RAB3IL1: variants seen among roughly 807,000 people sequenced by gnomAD.
RAB3IL1 encodes the protein guanine nucleotide exchange factor for Rab-3A.
RAB3IL1 carries 37 observed loss-of-function variants against 49.2 expected under a neutral mutation model. The ratio of observed to expected loss-of-function variants is 0.75; its 90% CI spans 0.58 to 0.99. RAB3IL1 has a LOEUF of 0.99. Among genes scored for constraint, RAB3IL1 ranks in the 50% least tolerant of loss-of-function variants. RAB3IL1 has a pLI of 0.00. For missense variants in RAB3IL1, 484 were observed against 513.0 expected (o/e 0.94, Z 0.55); for synonymous variants, 193 against 213.9 (o/e 0.90, Z 0.85).
At chr11:61,939,202 GA>G in the RAB3IL1 span, among the ~76,000 whole-genome samples, 1 of 151,808 alleles carries the variant, frequency 6.6e-6, no homozygotes, top group Non-Finnish European at 1.5e-5. Flanking sequence ...AACCACAAAG[GA>G]ATGAAATTAG....
chr11:61,907,340 G>A (rs932800859), intron 4 of RAB3IL1, 53 bp downstream of exon 4: 43 of 1,582,574 alleles, frequency 2.7e-5, no homozygotes, highest in Admixed American at 1.4e-4. Context: ...TCGCTGAGCC[G>A]GGAGGCAGGG....
At chr11:61,929,284 C>T in the RAB3IL1 span, among the ~76,000 whole-genome samples, 1 of 152,076 alleles carries the variant, frequency 6.6e-6, no homozygotes, top group Non-Finnish European at 1.5e-5. Context: ...GCAGGTGGAT[C>T]GCTTGAGCCC....
the RAB3IL1 span, among the ~76,000 whole-genome samples, chr11:61,944,176 CTCCTTCCCT>C: frequency 7.0e-6 from 1 of 142,746 alleles, no homozygotes; most frequent in East Asian, 2.0e-4. Flanking sequence ...TCCTCCCTAC[CTCCTTCCCT>C]TCCTTCCCTT....
the RAB3IL1 span, among the ~76,000 whole-genome samples, chr11:61,932,620 A>G: frequency 2.0e-5 from 3 of 152,308 alleles, no homozygotes; most frequent in South Asian, 2.1e-4. Flanking sequence ...AGGGCTTACA[A>G]TGTAATAAAA....
chr11:61,898,364 C>A lies in RAB3IL1; in HGVS notation c.1067-4G>T. On this transcript the variant is annotated splice_polypyrimidine_tract_variant and splice_region_variant and intron_variant, in intron 9 of 9. Coordinates refer to ENST00000394836, the MANE Select transcript of RAB3IL1 (RefSeq NM_013401.4). This position sits in a 1 kb window ranked among gnomAD's most constrained non-coding sequence, Gnocchi z 5.1. Reference sequence around the variant, plus strand: ...ATCTCCCAGAACATGGGCTCTGCTGCAGGCAGAGAGAGGGTGAACAGGTCG... The same window carrying A: ...ATCTCCCAGAACATGGGCTCTGCTGAAGGCAGAGAGAGGGTGAACAGGTCG... The A allele has an allele frequency of 1.2e-6, 2 of 1,612,526 alleles. No homozygotes were observed. The highest frequency in any genetic ancestry group is 2.2e-5 in the South Asian group (2 of 91,076).
At chr11:61,939,111 C>T in the RAB3IL1 span, among the ~76,000 whole-genome samples, 2 of 151,306 alleles carry the variant, frequency 1.3e-5, no homozygotes, top group Non-Finnish European at 2.9e-5. Context: ...ATAAAACATT[C>T]CCCAGGATAG....
intron 1 of RAB3IL1, among the ~76,000 whole-genome samples, chr11:61,911,257 G>A (rs745950886): frequency 7.2e-5 from 11 of 152,214 alleles, no homozygotes; most frequent in Admixed American, 6.5e-5. Context: ...GTGGGAACAT[G>A]GGAACAGTGG....
intron 8 of RAB3IL1, among the ~76,000 whole-genome samples, chr11:61,901,765 A>G (rs1433972969): frequency 6.6e-6 from 1 of 152,218 alleles, no homozygotes; most frequent in East Asian, 1.9e-4. Flanking sequence ...GCTGCCAACA[A>G]TGTGAGTTTT....
upstream of RAB3IL1, among the ~76,000 whole-genome samples, chr11:61,924,647 G>A (rs557479272): frequency 4.1e-4 from 63 of 152,322 alleles, no homozygotes; most frequent in African/African-American, 1.4e-3. Flanking sequence ...AACCTGGGAG[G>A]ATTATCTTTG....
In RAB3IL1 at chr11:61,917,378, C is replaced by T; in HGVS notation, c.-11G>A. 4 of 1,248,266 alleles carry T rather than the reference C, an allele frequency of 3.2e-6. No homozygotes were observed. The highest frequency in any genetic ancestry group is 4.2e-5 in the Admixed American group (1 of 23,782). 77.3% of individuals were successfully genotyped at this position (1,248,266 alleles called of 1,614,324 possible). On this transcript the variant is annotated 5_prime_UTR_variant, in exon 1 of 10. Coordinates refer to ENST00000394836, the MANE Select transcript of RAB3IL1 (RefSeq NM_013401.4). Reference sequence around the variant, plus strand: ...CTACCCGCTCCACATCCCGGCGCCTCGGGGCGCCCAGGCGTCCGTTCCCAG... The same window carrying T: ...CTACCCGCTCCACATCCCGGCGCCTTGGGGCGCCCAGGCGTCCGTTCCCAG...
rs147751425 is a variant in RAB3IL1 at position 61,912,658 on chromosome 11, G to A, written c.12-4352C>T. Among the ~76,000 whole-genome samples the A allele has an allele frequency of 5.0e-3, 768 of 152,344 alleles. 4 individuals carry two copies. The highest frequency in any genetic ancestry group is 0.014 in the Middle Eastern group (4 of 294). The stretch of plus-strand genomic sequence containing the variant: ...GCACAGCAAGGAAGTGGCAGGATGG[G>A]AACTGAATGCAGAGTACAGGCATAG... On this transcript the variant is annotated intron_variant, in intron 1 of 9. Transcript: ENST00000394836.
upstream of RAB3IL1, among the ~76,000 whole-genome samples, chr11:61,924,879 C>T (rs181667010): frequency 1.8e-4 from 28 of 152,266 alleles, no homozygotes; most frequent in East Asian, 5.4e-3. Context: ...CCTGTTCACC[C>T]GCTCTCAACT....
At chr11:61,928,069 A>G in the RAB3IL1 span, among the ~76,000 whole-genome samples, 2 of 151,802 alleles carry the variant, frequency 1.3e-5, no homozygotes, top group African/African-American at 2.4e-5. Context: ...TATCAAAAAG[A>G]TGGCTACTAT....
At chr11:61,924,704 C>T (rs1029110546), upstream of RAB3IL1, among the ~76,000 whole-genome samples, 41 of 152,102 alleles carry the variant, frequency 2.7e-4, no homozygotes, top group Non-Finnish European at 5.1e-4. Context: ...TGGTGAGGGC[C>T]GGGAAGTGCT....
chr11:61,937,135 T>C, the RAB3IL1 span, among the ~76,000 whole-genome samples: 1 of 152,130 alleles, frequency 6.6e-6, no homozygotes, highest in African/African-American at 2.4e-5. Flanking sequence ...ACATCTACAA[T>C]AACCATAAAT....
chr11:61,907,055 A>C (rs1477695545), intron 4 of RAB3IL1, among the ~76,000 whole-genome samples: 1 of 152,230 alleles, frequency 6.6e-6, no homozygotes, highest in Non-Finnish European at 1.5e-5. Context: ...CGACTTGCCC[A>C]GGCTCAGACA....
the RAB3IL1 span, among the ~76,000 whole-genome samples, chr11:61,938,339 A>T: frequency 6.6e-6 from 1 of 152,180 alleles, no homozygotes; most frequent in Admixed American, 6.5e-5. Flanking sequence ...CAGGAGTTTG[A>T]GGCTGCAGCC....
chr11:61,913,780 CG>C (rs1272611269), intron 1 of RAB3IL1, among the ~76,000 whole-genome samples: 1 of 152,214 alleles, frequency 6.6e-6, no homozygotes, highest in African/African-American at 2.4e-5. Context: ...CCAATCTGCA[CG>C]ACCAGGCAGC....
upstream of RAB3IL1, among the ~76,000 whole-genome samples, chr11:61,921,340 C>T (rs554440125): frequency 6.6e-6 from 1 of 152,292 alleles, no homozygotes; most frequent in South Asian, 2.1e-4. Context: ...TTAGCCTCTC[C>T]GTGCCTCAGT....
Sources: allele counts gnomAD v4.1 joint callset (sites outside exome capture counted in the v4.1 genomes callset), GRCh38; gene constraint gnomAD v4.1.1; non-coding constraint Gnocchi (gnomAD v3.1); transcripts MANE v1.5; gene names NCBI Gene and HGNC (gene_info 2026-07-23, HGNC 2026-07-21).